ERAP2: variants seen among roughly 807,000 people sequenced by gnomAD.
ERAP2 encodes endoplasmic reticulum aminopeptidase 2.
A neutral mutation model predicts 111.1 loss-of-function variants in ERAP2; 118 were observed. The observed-to-expected ratio is 1.06, with a 90% CI of 0.92 to 1.24. ERAP2 has a LOEUF of 1.24. ERAP2 is among the 50% of genes most tolerant of loss of function. The pLI, the probability that ERAP2 is intolerant of heterozygous loss-of-function variation, is 0.00. For synonymous variants in ERAP2, 410 were observed against 401.2 expected, an observed-to-expected ratio of 1.02 and a Z score of -0.26; for missense variants, 1,131 against 1,125.8, an observed-to-expected ratio of 1.00 and a Z score of -0.07.
At chr5:96,896,527 G>C in intron 8 of ERAP2, 23 bp downstream of exon 8, 1 of 1,589,956 alleles carries the variant, frequency 6.3e-7, no homozygotes, top group African/African-American at 1.5e-5. Flanking sequence ...AGGTGCAGGT[G>C]GAAGCTCTGC....
chr5:96,901,703 G>A (rs1389487158), intron 11 of ERAP2, 22 bp downstream of exon 11: 5 of 1,610,232 alleles, frequency 3.1e-6, no homozygotes, highest in Non-Finnish European at 3.4e-6. Context: ...TCTTCTTTAG[G>A]TCTAGCTTAC....
At chr5:96,911,011 A>G (rs1013079967) in intron 15 of ERAP2, among the ~76,000 whole-genome samples, 9 of 152,224 alleles carry the variant, frequency 5.9e-5, no homozygotes, top group African/African-American at 1.9e-4. Flanking sequence ...ATGTATTATA[A>G]TTATTTGATC....
chr5:96,910,983 C>G (rs1288701741), intron 15 of ERAP2, among the ~76,000 whole-genome samples: 1 of 152,106 alleles, frequency 6.6e-6, no homozygotes, highest in Non-Finnish European at 1.5e-5. Context: ...CAGCAAAATA[C>G]ACTAAAATGA....
chr5:96,878,538 G>A (rs1176507859), intron 1 of ERAP2, among the ~76,000 whole-genome samples: 1 of 152,112 alleles, frequency 6.6e-6, no homozygotes, highest in Non-Finnish European at 1.5e-5. Flanking sequence ...GTGTGCCTGT[G>A]GTTCCAGCTA....
At chr5:96,914,293 G>A (rs1271166361) in intron 17 of ERAP2, among the ~76,000 whole-genome samples, 2 of 152,224 alleles carry the variant, frequency 1.3e-5, no homozygotes, top group East Asian at 3.9e-4. Flanking sequence ...GGGTCAGTTA[G>A]CATCCCTGAT....
At chr5:96,909,812 A>G (rs993846545) in intron 15 of ERAP2, 48 bp downstream of exon 15, 1 of 1,582,684 alleles carries the variant, frequency 6.3e-7, no homozygotes, top group African/African-American at 1.4e-5. Context: ...TCTTTGATGT[A>G]AAAGTCTTTG....
intron 5 of ERAP2, chr5:96,889,628 G>A: frequency 7.8e-6 from 5 of 639,000 alleles, no homozygotes; most frequent in Non-Finnish European, 1.4e-5. Context: ...GGAAAGAGAT[G>A]GGGAGAAAAA....
chr5:96,897,415 C>G (rs1300849462), intron 9 of ERAP2, among the ~76,000 whole-genome samples: 1 of 152,198 alleles, frequency 6.6e-6, no homozygotes, highest in Non-Finnish European at 1.5e-5. Flanking sequence ...TTCCAGCCCT[C>G]ATTCGTTTGC....
intron 3 of ERAP2, among the ~76,000 whole-genome samples, chr5:96,885,504 T>C (rs1783628356): frequency 6.6e-6 from 1 of 152,230 alleles, no homozygotes; most frequent in Non-Finnish European, 1.5e-5. Flanking sequence ...TCAAATAGAA[T>C]TCAGCAAAAT....
At chr5:96,910,035 G>C in intron 15 of ERAP2, 2 of 287,690 alleles carry the variant, frequency 7.0e-6, no homozygotes, top group South Asian at 1.0e-4. Context: ...GGAGGCCAAG[G>C]AGGGTGAATC....
intron 1 of ERAP2, among the ~76,000 whole-genome samples, chr5:96,878,364 A>G (rs995466715): frequency 1.3e-5 from 2 of 151,284 alleles, no homozygotes; most frequent in African/African-American, 4.9e-5. Flanking sequence ...GGCCATTCAG[A>G]TAATGTTATT....
chr5:96,892,504 A>G (rs2151150970), intron 6 of ERAP2, 51 bp downstream of exon 6: 1 of 1,598,444 alleles, frequency 6.3e-7, no homozygotes, highest in Non-Finnish European at 8.6e-7. Context: ...ATAACATTAT[A>G]TAGAACACGA....
intron 3 of ERAP2, among the ~76,000 whole-genome samples, chr5:96,886,359 A>G (rs754373525): frequency 7.2e-5 from 11 of 152,258 alleles, no homozygotes; most frequent in Non-Finnish European, 1.2e-4. Context: ...ATTGCATTTT[A>G]AGAAAATAGA....
At position 96,917,499 on chromosome 5, in the gene ERAP2, C is replaced by T; in HGVS notation, c.2777C>T (p.Ser926Leu). The T allele has an allele frequency of 6.2e-7, 1 of 1,613,086 alleles. No homozygotes were observed. Among genetic ancestry groups the T allele is most frequent in the South Asian group, 1.1e-5 (1 of 90,954 alleles). ...LFFESLEAQG[S>L]HLDIFQTVLE... ...TTTGAATCTCTTGAGGCTCAAGGAT[C>T]ACATCTGGATATTTTTCAAACTGTT... Residue 926 changes from serine to leucine, a missense_variant, in exon 19 of 19, where the codon TCA becomes TTA. Physicochemically the swap from Ser to Leu is moderately radical, Grantham distance 145. Around this residue, in one of 3 missense-constraint regions of ERAP2, gnomAD observed 279 missense variants for 250.9 expected, o/e 1.11. Coordinates refer to ENST00000437043, the MANE Select transcript of ERAP2 (RefSeq NM_022350.5).
intron 9 of ERAP2, among the ~76,000 whole-genome samples, chr5:96,898,195 CAAT>C (rs1275615471): frequency 1.3e-5 from 2 of 151,084 alleles, no homozygotes; most frequent in African/African-American, 2.4e-5. Context: ...GACTCTGTCT[CAAT>C]AATAATAATA....
chr5:96,916,525 GC>G (rs1412848044), intron 18 of ERAP2, among the ~76,000 whole-genome samples: 1 of 129,714 alleles, frequency 7.7e-6, no homozygotes, highest in Non-Finnish European at 1.5e-5. Flanking sequence ...GCAGTGGCTT[GC>G]GATCTCGGCT....
In ERAP2 at chr5:96,889,831, TACACACACAC is replaced by T. The variant is rs58154009; in HGVS notation, c.970+549_970+558del. ...AATGGATTTTCCATTAAAAAATACA[TACACACACAC>T]ACACACACACACACACACACACGCA... On this transcript the variant is annotated intron_variant, in intron 5 of 18. Coordinates refer to ENST00000437043, the MANE Select transcript of ERAP2 (RefSeq NM_022350.5). 2.9e-3 allele frequency among the ~76,000 whole-genome samples: 437 copies of T among 148,652 alleles called. 1 individual carries two copies. The highest frequency in any genetic ancestry group is 4.6e-3 in the Non-Finnish European group (307 of 66,752).
At chr5:96,914,413 T>C (rs1434938932) in intron 17 of ERAP2, among the ~76,000 whole-genome samples, 1 of 152,210 alleles carries the variant, frequency 6.6e-6, no homozygotes, top group African/African-American at 2.4e-5. Context: ...TCCCAAATGC[T>C]CAAGGAGTTG....
At position 96,880,237 on chromosome 5, in the gene ERAP2, C is replaced by T; in HGVS notation, c.552C>T (p.Tyr184=). The change falls in exon 2 of 19, where the codon TAC becomes TAT. Residue 184 remains tyrosine, a synonymous_variant. Transcript: ENST00000437043. Reference sequence around the variant, plus strand: ...TTGAAGGGTTTTATAAAAGCACATACAGAACTCTTGGTGGTGAAACAAGGT... The same window carrying T: ...TTGAAGGGTTTTATAAAAGCACATATAGAACTCTTGGTGGTGAAACAAGGT... ...DGFEGFYKST[Y]RTLGGETRIL... 1.2e-6 allele frequency: 2 copies of T among 1,612,562 alleles called. No homozygotes were observed. Among genetic ancestry groups the T allele is most frequent in the Non-Finnish European group, 1.7e-6 (2 of 1,179,064 alleles).
Sources: gnomAD v4.1 joint callset for allele counts (sites outside exome capture counted in the v4.1 genomes callset) on GRCh38, gnomAD v4.1.1 for gene constraint, gnomAD v4.1.1 regional missense constraint, MANE v1.5 for transcripts, NCBI Gene and HGNC (gene_info 2026-07-23, HGNC 2026-07-21) for gene names.